The following LINGO1 variants were observed in gnomAD, a reference collection of about 807,000 sequenced individuals.
LINGO1 encodes leucine rich repeat and Ig domain containing 1.
Under a neutral mutation model 37.3 loss-of-function variants are expected in LINGO1, and 11 were observed. The ratio of observed to expected loss-of-function variants is 0.29; its 90% CI spans 0.19 to 0.49. LINGO1 has a LOEUF of 0.49. Ranked by LOEUF, LINGO1 falls within the 20% of genes least tolerant of loss-of-function variation. The pLI, the probability that LINGO1 is intolerant of heterozygous loss-of-function variation, is 0.99. For synonymous variants in LINGO1, 387 were observed against 403.0 expected (o/e 0.96, Z 0.48); for missense variants, 585 against 878.2 (o/e 0.67, Z 4.22).
chr15:77,623,247 G>A (rs1468301757), intron 1 of LINGO1, among the ~76,000 whole-genome samples: 3 of 152,218 alleles, frequency 2.0e-5, no homozygotes, highest in Non-Finnish European at 4.4e-5. Flanking sequence ...GAGGCAGGGG[G>A]AGGGCATTTC....
chr15:77,642,218 AGT>A, intron 3 of LINGO1, among the ~76,000 whole-genome samples: 1 of 152,172 alleles, frequency 6.6e-6, no homozygotes, highest in East Asian at 1.9e-4. Flanking sequence ...CCAGGACAGC[AGT>A]GGGAGGGGAG....
At chr15:77,791,269 C>G (rs1378757621), upstream of LINGO1, among the ~76,000 whole-genome samples, 1 of 152,076 alleles carries the variant, frequency 6.6e-6, no homozygotes, top group African/African-American at 2.4e-5. Context: ...GGAAGACAAG[C>G]TGAGGATCAT....
chr15:77,770,500 T>C lies in LINGO1; in HGVS notation c.-257+16369A>G, dbSNP rs558203156. On this transcript the variant is annotated intron_variant, in intron 1 of 3. Coordinates refer to the LINGO1 transcript ENST00000561686. The stretch of plus-strand genomic sequence containing the variant: ...TACTCAGGAGACTGAGGCAGGAGAA[T>C]TGCTTGAACCCAGGAGGTGGAGGTT... Among the ~76,000 whole-genome samples, 3 of 150,204 alleles carry C rather than the reference T, an allele frequency of 2.0e-5. No homozygotes were observed. The South Asian group carries it at 6.3e-4, about 32-fold the overall frequency.
chr15:77,741,730 T>C lies in LINGO1; in HGVS notation c.-256-6677A>G, dbSNP rs1265727135. ...CAGTCCCCTGAGGCTGCAGGCTCTG[T>C]GGGCATCAGGTACAGTTGGAGGTAA... On this transcript the variant is annotated intron_variant, in intron 1 of 3. Transcript: ENST00000561686. Among the ~76,000 whole-genome samples the C allele has an allele frequency of 2.0e-5, 3 of 152,346 alleles. No homozygotes were observed. In the South Asian group the frequency reaches 6.2e-4, roughly 32 times the overall value.
At chr15:77,670,326 T>C (rs1229882467) in intron 3 of LINGO1, among the ~76,000 whole-genome samples, 1 of 152,274 alleles carries the variant, frequency 6.6e-6, no homozygotes, top group Non-Finnish European at 1.5e-5. Context: ...CTGTATGCTT[T>C]AAAATAGTGA....
At chr15:77,738,665 G>A (rs909929871) in intron 1 of LINGO1, among the ~76,000 whole-genome samples, 3 of 152,044 alleles carry the variant, frequency 2.0e-5, no homozygotes, top group African/African-American at 4.8e-5. Context: ...GGCAGGGCCC[G>A]AAGCCACCTT....
intron 1 of LINGO1, among the ~76,000 whole-genome samples, chr15:77,810,025 C>T (rs1023715854): frequency 1.3e-5 from 2 of 152,160 alleles, no homozygotes; most frequent in South Asian, 2.1e-4. Context: ...TCCCACCCTC[C>T]TCCCCCAATG....
At chr15:77,726,783 G>A (rs547563085) in intron 2 of LINGO1, among the ~76,000 whole-genome samples, 3 of 152,322 alleles carry the variant, frequency 2.0e-5, no homozygotes, top group East Asian at 1.9e-4. Flanking sequence ...CTTAACAAAG[G>A]AAGCAATCAA....
intron 1 of LINGO1, among the ~76,000 whole-genome samples, chr15:77,628,176 G>A (rs560993031): frequency 2.6e-5 from 4 of 152,300 alleles, no homozygotes; most frequent in South Asian, 4.2e-4. Flanking sequence ...GAGTGAATGC[G>A]AACATGCCCT....
chr15:77,745,344 T>A (rs1187525047), intron 1 of LINGO1, among the ~76,000 whole-genome samples: 3 of 149,964 alleles, frequency 2.0e-5, no homozygotes, highest in African/African-American at 2.5e-5. Flanking sequence ...GAGAATGGCG[T>A]GAACCCGGGA....
chr15:77,694,727 A>G (rs1174584978), intron 1 of LINGO1, among the ~76,000 whole-genome samples: 15 of 152,184 alleles, frequency 9.9e-5, no homozygotes, highest in Admixed American at 9.8e-4. Context: ...AGTACCAAAT[A>G]CTAGGCTTTG....
chr15:77,726,050 C>A (rs2076098982), intron 2 of LINGO1, among the ~76,000 whole-genome samples: 1 of 152,222 alleles, frequency 6.6e-6, no homozygotes, highest in Non-Finnish European at 1.5e-5. Context: ...CTGCCTCTCA[C>A]TGGCAAATGT....
At chr15:77,789,128 G>T (rs1337608040), upstream of LINGO1, among the ~76,000 whole-genome samples, 1 of 152,122 alleles carries the variant, frequency 6.6e-6, no homozygotes, top group African/African-American at 2.4e-5. Context: ...CATAGCTCTA[G>T]TCGCCTGCTG....
chr15:77,812,871 G>A (rs1386625398), intron 1 of LINGO1, among the ~76,000 whole-genome samples: 2 of 152,334 alleles, frequency 1.3e-5, no homozygotes, highest in South Asian at 2.1e-4. Context: ...AGCGTCTCAG[G>A]AGCAAAGCAA....
chr15:77,614,376 G>A lies in LINGO1; in HGVS notation c.1531C>T (p.His511Tyr). Residue 511 changes from histidine (H) to tyrosine (Y), a missense_variant, in exon 2 of 2, where the codon CAC becomes TAC. By Grantham distance (83) the His-to-Tyr change is moderately conservative. Transcript: ENST00000355300. Reference sequence around the variant, plus strand: ...GGCGAGTAGCTGCGCACATGCAGGTGGGCGGGCATGGAGTCGTTGCCGCCC... The same window carrying A: ...GGCGAGTAGCTGCGCACATGCAGGTAGGCGGGCATGGAGTCGTTGCCGCCC... ...NAGGNDSMPA[H>Y]LHVRSYSPDW... 1 of 1,613,700 alleles carries A rather than the reference G, an allele frequency of 6.2e-7. No individual in the cohort carries two copies. Among genetic ancestry groups the A allele is most frequent in the Non-Finnish European group, 8.5e-7 (1 of 1,179,858 alleles).
intron 3 of LINGO1, among the ~76,000 whole-genome samples, chr15:77,641,497 A>G (rs2074505340): frequency 6.6e-6 from 1 of 152,206 alleles, no homozygotes; most frequent in Admixed American, 6.5e-5. Flanking sequence ...ATGCCTATAA[A>G]TTATTGAAGT....
chr15:77,805,340 A>G (rs2076951403), intron 1 of LINGO1, among the ~76,000 whole-genome samples: 1 of 152,218 alleles, frequency 6.6e-6, no homozygotes, highest in Non-Finnish European at 1.5e-5. Flanking sequence ...ACCATATGAC[A>G]GAACAGAACA....
chr15:77,672,628 C>T (rs568289303), intron 3 of LINGO1, among the ~76,000 whole-genome samples: 2 of 152,176 alleles, frequency 1.3e-5, no homozygotes, highest in Non-Finnish European at 2.9e-5. Context: ...CAGTGTCAGC[C>T]CCACACCTGT....
rs2073837375 is a variant in LINGO1 at position 77,619,093 on chromosome 15, AAAGAGGGAAATATG to A, written c.7-3207_7-3194del. Among the ~76,000 whole-genome samples the A allele has an allele frequency of 3.9e-5, 6 of 152,346 alleles. No individual in the cohort carries two copies. The South Asian group carries it at 1.2e-3, about 32-fold the overall frequency. ...TGAGAGCTTCCTAGTGACCTTGAGC[AAAGAGGGAAATATG>A]CTCCAAAGCCTCAGCATTTGGCATC... On this transcript the variant is annotated intron_variant, in intron 1 of 1. Transcript: ENST00000355300.
Sources: gnomAD v4.1 joint callset for allele counts (sites outside exome capture counted in the v4.1 genomes callset) on GRCh38, gnomAD v4.1.1 for gene constraint, MANE v1.5 for transcripts, NCBI Gene and HGNC (gene_info 2026-07-23, HGNC 2026-07-21) for gene names.